The following ALG12 variants were observed in gnomAD, a reference collection of about 807,000 sequenced individuals.
ALG12 encodes the protein ALG12 alpha-1,6-mannosyltransferase.
In ALG12, 36 loss-of-function variants were observed where a neutral mutation model predicts 46.0. The ratio of observed to expected loss-of-function variants is 0.78; its 90% CI spans 0.60 to 1.03. The LOEUF is 1.03. ALG12 is among the 50% of genes least tolerant of loss of function. ALG12 has a pLI of 0.00. For synonymous variants in ALG12, 326 were observed against 291.6 expected (o/e 1.12, Z -1.20); for missense variants, 599 against 633.5 (o/e 0.95, Z 0.58).
chr22:49,889,374 A>AG, the ALG12 span: 1 of 167,098 alleles, frequency 6.0e-6, no homozygotes, highest in East Asian at 1.9e-4. Context: ...GCCCACTGAA[A>AG]GGGACAAACA....
chr22:49,909,112 A>G, intron 6 of ALG12, 132 bp downstream of exon 6: 1 of 946,570 alleles, frequency 1.1e-6, no homozygotes, highest in African/African-American at 1.6e-5. Context: ...AGTGGGAGGG[A>G]GGGGCTCCAT....
chr22:49,910,585 G>A lies in ALG12; in HGVS notation c.318C>T (p.Gly106=), dbSNP rs766789166. 9.3e-6 allele frequency: 15 copies of A among 1,613,992 alleles called. No homozygotes were observed. Among genetic ancestry groups the A allele is most frequent in the South Asian group, 6.6e-5 (6 of 91,090 alleles). Residue 106 remains glycine, a synonymous_variant, in exon 4 of 10, where the codon GGC becomes GGT. Transcript: ENST00000330817. The part of the protein sequence containing the change: ...QLIVRGVLGL[G]VIFGLWTLQK... ...GTAACGTCCAGAGTCCAAAAATCAC[G>A]CCGAGTCCAAGCACTCCTCTAACTA...
intron 6 of ALG12, among the ~76,000 whole-genome samples, chr22:49,908,392 G>C (rs1406876738): frequency 7.0e-6 from 1 of 142,184 alleles, no homozygotes; most frequent in Non-Finnish European, 1.6e-5. Flanking sequence ...GCTGGGCATG[G>C]TGGCATGTGC....
At chr22:49,879,162 A>G in the ALG12 span, among the ~76,000 whole-genome samples, 1 of 145,836 alleles carries the variant, frequency 6.9e-6, no homozygotes, top group African/African-American at 2.6e-5. Flanking sequence ...AACAAAAAAC[A>G]AAAAAAAACA....
chr22:49,860,450 A>G, the ALG12 span, among the ~76,000 whole-genome samples: 1 of 152,272 alleles, frequency 6.6e-6, no homozygotes, highest in African/African-American at 2.4e-5. Flanking sequence ...TAGAATTACA[A>G]TACCACTCCT....
the ALG12 span, chr22:49,884,736 G>A: frequency 2.5e-6 from 4 of 1,593,434 alleles, no homozygotes; most frequent in African/African-American, 1.3e-5. Context: ...CTCCCACTCT[G>A]CTGCCTTCCT....
chr22:49,880,503 G>A, the ALG12 span, among the ~76,000 whole-genome samples: 145 of 152,348 alleles, frequency 9.5e-4, no homozygotes, highest in Non-Finnish European at 1.6e-3. Context: ...GGCAGGTGGG[G>A]CTCCCTCTTT....
the ALG12 span, chr22:49,885,122 GGAA>G: frequency 1.9e-6 from 3 of 1,614,214 alleles, no homozygotes. Flanking sequence ...ATCAGCCGGG[GGAA>G]GAAGGGTGAT....
chr22:49,875,136 T>C, the ALG12 span, among the ~76,000 whole-genome samples: 1 of 152,218 alleles, frequency 6.6e-6, no homozygotes, highest in Non-Finnish European at 1.5e-5. Flanking sequence ...TCTTTTATTG[T>C]AATGTCTTTG....
intron 7 of ALG12, among the ~76,000 whole-genome samples, chr22:49,907,387 C>G (rs558130823): frequency 9.9e-5 from 15 of 152,206 alleles, no homozygotes; most frequent in Non-Finnish European, 1.8e-4. Context: ...CAGCACAATG[C>G]CAGGCCGGTC....
chr22:49,873,014 A>G, the ALG12 span, among the ~76,000 whole-genome samples: 680 of 152,230 alleles, frequency 4.5e-3, 5 homozygotes, highest in Middle Eastern at 0.027. Context: ...AATTTTTTGT[A>G]GAGCTGGGGT....
chr22:49,891,029 CAA>C, the ALG12 span, among the ~76,000 whole-genome samples: 50 of 119,030 alleles, frequency 4.2e-4, no homozygotes, highest in Non-Finnish European at 5.9e-4. Context: ...GACTCCATCT[CAA>C]AAAAAAAAAA....
chr22:49,909,403 C>T lies in ALG12; in HGVS notation c.665-56G>A, dbSNP rs552093376. The T allele has an allele frequency of 2.6e-5, 40 of 1,514,680 alleles. No individual in the cohort carries two copies. The African/African-American group carries it at 4.0e-4, about 15-fold the overall frequency. 93.8% of individuals were successfully genotyped at this position (1,514,680 alleles called of 1,614,324 possible). ...CAAACACAGCCATCAGTAAACATCC[C>T]GCCACAATGCAGCCCCCATCACTAC... is the stretch of plus-strand genomic sequence containing the variant. On this transcript the variant is annotated intron_variant, in intron 5 of 9. Transcript: ENST00000330817.
At chr22:49,884,395 T>C in the ALG12 span, 7 of 1,613,118 alleles carry the variant, frequency 4.3e-6, no homozygotes, top group Non-Finnish European at 5.9e-6. Context: ...TTCGGAGAAG[T>C]GCGGCAGAGA....
chr22:49,867,396 G>A, the ALG12 span, among the ~76,000 whole-genome samples: 3 of 152,218 alleles, frequency 2.0e-5, no homozygotes, highest in South Asian at 2.1e-4. Flanking sequence ...GGGAGGCACT[G>A]CGGTGCATCC....
Position 49,903,605 on chromosome 22 carries a change from C to T in ALG12, c.*233G>A. ...CTGAGCTGGCCACCATCACCCTGGG[C>T]AGTGGCTCCCGGGGTGCCAACAAGA... On this transcript the variant is annotated 3_prime_UTR_variant, in exon 10 of 10. Coordinates refer to ENST00000330817, the MANE Select transcript of ALG12 (RefSeq NM_024105.4). The T allele has an allele frequency of 1.5e-6, 1 of 685,260 alleles. No individual in the cohort carries two copies. The highest frequency in any genetic ancestry group is 2.7e-6 in the Non-Finnish European group (1 of 374,916). 42.4% of individuals were successfully genotyped at this position (685,260 alleles called of 1,614,324 possible).
chr22:49,862,244 C>A, the ALG12 span, among the ~76,000 whole-genome samples: 1 of 152,228 alleles, frequency 6.6e-6, no homozygotes, highest in African/African-American at 2.4e-5. Flanking sequence ...AACGCTTCTG[C>A]CGCAAAGTCG....
At chr22:49,887,712 A>G in the ALG12 span, 29 of 167,406 alleles carry the variant, frequency 1.7e-4, no homozygotes, top group African/African-American at 6.8e-4. Context: ...TACAGATAAT[A>G]TTCTGGAAGG....
the ALG12 span, among the ~76,000 whole-genome samples, chr22:49,873,179 A>ACTCT: frequency 1.2e-4 from 19 of 152,164 alleles, no homozygotes; most frequent in African/African-American, 4.6e-4. Context: ...CTGTTGGTAC[A>ACTCT]AGAGTCCTAG....
Sources: allele counts gnomAD v4.1 joint callset (sites outside exome capture counted in the v4.1 genomes callset), GRCh38; gene constraint gnomAD v4.1.1; transcripts MANE v1.5; gene names NCBI Gene and HGNC (gene_info 2026-07-23, HGNC 2026-07-21).